LUZP1: variants seen among roughly 807,000 people sequenced by gnomAD.
LUZP1 encodes filamin mechanobinding actin cross-linking protein.
Under a neutral mutation model 71.3 loss-of-function variants are expected in LUZP1, and 25 were observed. That is an observed-to-expected ratio of 0.35 (90% CI 0.26 to 0.49). LUZP1 has a LOEUF of 0.49. Among genes scored for constraint, LUZP1 ranks in the 20% least tolerant of loss-of-function variants. LUZP1 has a pLI of 0.99. For synonymous variants in LUZP1, 481 were observed against 506.4 expected (o/e 0.95, Z 0.67); for missense variants, 1,142 against 1,300.8 (o/e 0.88, Z 1.88).
chr1:23,092,518 T>G (rs769305746), exon 4 of LUZP1: 1 of 1,614,206 alleles, frequency 6.2e-7, no homozygotes, highest in Non-Finnish European at 8.5e-7. Flanking sequence ...GCAGCCTTTT[T>G]GCCTTTAGAG....
chr1:23,114,020 G>T lies in LUZP1; in HGVS notation c.-225-4893C>A, dbSNP rs1010596540. ...CTGAATTTTTTTAATTCACTGAATGGGCTTAAGGACAAAATGGAGATGACA... is the reference window on the plus strand; with the variant it reads ...CTGAATTTTTTTAATTCACTGAATGTGCTTAAGGACAAAATGGAGATGACA... On this transcript the variant is annotated intron_variant, in intron 2 of 4. Transcript: ENST00000302291. 7.9e-5 allele frequency among the ~76,000 whole-genome samples: 12 copies of T among 152,214 alleles called. 1 individual carries two copies. The highest frequency in any genetic ancestry group is 6.8e-3 in the Middle Eastern group (2 of 294).
At chr1:23,092,233 T>C (rs533231478) in exon 4 of LUZP1, 35 of 1,614,172 alleles carry the variant, frequency 2.2e-5, no homozygotes, top group Non-Finnish European at 2.9e-5. Context: ...GGAGTGATGG[T>C]TGTATTTACC....
chr1:23,174,394 A>G (rs994029572), intron 1 of LUZP1, among the ~76,000 whole-genome samples: 2 of 152,126 alleles, frequency 1.3e-5, no homozygotes, highest in Non-Finnish European at 2.9e-5. Context: ...ACATTGGTGG[A>G]GGCAATTTTC....
intron 2 of LUZP1, among the ~76,000 whole-genome samples, chr1:23,125,892 G>A (rs1296777592): frequency 6.6e-6 from 1 of 152,110 alleles, no homozygotes; most frequent in African/African-American, 2.4e-5. Flanking sequence ...CTATCGACAA[G>A]GTTACAAACA....
chr1:23,161,929 A>C (rs765500671), intron 2 of LUZP1, among the ~76,000 whole-genome samples: 4 of 144,378 alleles, frequency 2.8e-5, no homozygotes, highest in Non-Finnish European at 3.0e-5. Flanking sequence ...TGGGAGGCTG[A>C]GGCGGAGAAC....
chr1:23,150,749 C>A (rs1644377247), intron 2 of LUZP1, among the ~76,000 whole-genome samples: 1 of 152,110 alleles, frequency 6.6e-6, no homozygotes, highest in African/African-American at 2.4e-5. Context: ...CTGCTGGATA[C>A]CACAGACAAC....
chr1:23,108,695 C>T (rs537075848), intron 3 of LUZP1, among the ~76,000 whole-genome samples: 1 of 152,286 alleles, frequency 6.6e-6, no homozygotes, highest in South Asian at 2.1e-4. Flanking sequence ...AGCTTGTTTC[C>T]TTGTGGTGAT....
chr1:23,094,217 G>C lies in LUZP1; in HGVS notation c.45C>G (p.His15Gln). 1 of 1,612,732 alleles carries C rather than the reference G, an allele frequency of 6.2e-7. No homozygotes were observed. Among genetic ancestry groups the C allele is most frequent in the Non-Finnish European group, 8.5e-7 (1 of 1,179,644 alleles). ...TTAGACTCTGTAGCTTAAACCGCAA[G>C]TGGCGGCTGGAGGCCGTCTCCTTGT... Residue 15 changes from histidine to glutamine, a missense_variant, in exon 4 of 5, where the codon CAC (histidine) becomes CAG (glutamine). Transcript: ENST00000302291. This position sits in a 1 kb window ranked among gnomAD's most constrained non-coding sequence, Gnocchi z 4.7.
intron 2 of LUZP1, among the ~76,000 whole-genome samples, chr1:23,167,025 G>T (rs1644515266): frequency 6.6e-6 from 1 of 152,110 alleles, no homozygotes; most frequent in Admixed American, 6.6e-5. Context: ...AATTCTTCTA[G>T]GAGTAAATTG....
chr1:23,096,459 G>A (rs898645606), intron 3 of LUZP1, among the ~76,000 whole-genome samples: 1 of 152,132 alleles, frequency 6.6e-6, no homozygotes, highest in Non-Finnish European at 1.5e-5. Flanking sequence ...ATTTTCAAGA[G>A]TTGATTAAAG....
rs557530515 is a variant in LUZP1 at position 23,096,369 on chromosome 1, A to G, written c.-119-1989T>C. 7.2e-5 allele frequency among the ~76,000 whole-genome samples: 11 copies of G among 152,316 alleles called. No individual in the cohort carries two copies. The South Asian group carries it at 2.1e-3, about 29-fold the overall frequency. On this transcript the variant is annotated intron_variant, in intron 3 of 4. Transcript: ENST00000302291. Reference sequence around the variant, plus strand: ...GGAAATAATTAAAAAGGTCCAAAACAAGGAAGTTTTAACAGGCAGCCCAAA... The same window carrying G: ...GGAAATAATTAAAAAGGTCCAAAACGAGGAAGTTTTAACAGGCAGCCCAAA...
At chr1:23,118,074 A>C (rs779304903) in intron 2 of LUZP1, among the ~76,000 whole-genome samples, 15 of 152,024 alleles carry the variant, frequency 9.9e-5, no homozygotes, top group Non-Finnish European at 1.5e-4. Flanking sequence ...TGGGCGACAG[A>C]GCGAGACTCC....
rs1401882473 is a variant in LUZP1, at chr1:23,138,697, G to GTGTA, written c.-225-29571_-225-29570insTACA. Among the ~76,000 whole-genome samples the GTGTA allele has an allele frequency of 8.6e-4, 117 of 135,958 alleles. 1 individual carries two copies. In the East Asian group the frequency reaches 0.015, roughly 18 times the overall value. The allele number at this position is 135,958 out of a possible 152,430, so 89.2% of individuals were successfully genotyped here. A position where few individuals can be genotyped will look rare whatever the true frequency, so the allele number is the denominator to read the frequency against. On this transcript the variant is annotated intron_variant, in intron 2 of 4. Coordinates refer to ENST00000302291, the Ensembl canonical transcript of LUZP1. ...TGTGTGTGTGTGTGTGTGTGTGTGT[G>GTGTA]TATATATATATATATATAAATGAGG...
In LUZP1 at chr1:23,152,015, A is replaced by G. The variant is rs189846872; in HGVS notation, c.-226+16751T>C. Among the ~76,000 whole-genome samples the G allele has an allele frequency of 2.5e-3, 385 of 151,990 alleles. 1 individual carries two copies. The highest frequency in any genetic ancestry group is 9.1e-3 in the African/African-American group (376 of 41,524). ...AGACTCAGTCTCCAAAAAAAAAAAA[A>G]AAGAAAAGAAATGGTAGATAATATA... On this transcript the variant is annotated intron_variant, in intron 2 of 4. Coordinates refer to ENST00000302291, the Ensembl canonical transcript of LUZP1.
chr1:23,147,433 C>T (rs1644352396), intron 2 of LUZP1, among the ~76,000 whole-genome samples: 1 of 144,826 alleles, frequency 6.9e-6, no homozygotes, highest in African/African-American at 2.6e-5. Context: ...CAGAGCAAGA[C>T]TCTATCTCAA....
chr1:23,087,896 A>G (rs1181587632), exon 5 of LUZP1: 2 of 152,640 alleles, frequency 1.3e-5, no homozygotes, highest in East Asian at 3.9e-4. Context: ...TGCCTCCTCC[A>G]TGGGGGATGG....
At chr1:23,084,699 A>C in exon 5 of LUZP1, 1 of 147,830 alleles carries the variant, frequency 6.8e-6, no homozygotes, top group East Asian at 2.0e-4. Flanking sequence ...TATATTGGTG[A>C]TCTGACTGGA....
chr1:23,174,054 T>C (rs952272875), intron 1 of LUZP1, among the ~76,000 whole-genome samples: 1 of 152,026 alleles, frequency 6.6e-6, no homozygotes, highest in African/African-American at 2.4e-5. Flanking sequence ...GGAGTATATA[T>C]ATATATAATT....
In LUZP1 at chr1:23,111,932, C is replaced by A. The variant is rs543874004; in HGVS notation, c.-225-2805G>T. 9.9e-5 allele frequency among the ~76,000 whole-genome samples: 15 copies of A among 152,284 alleles called. No individual in the cohort carries two copies. In the South Asian group the frequency reaches 3.1e-3, roughly 32 times the overall value. On this transcript the variant is annotated intron_variant, in intron 2 of 4. Coordinates refer to ENST00000302291, the Ensembl canonical transcript of LUZP1. ...TCCCCTAAGGTCTCTGCAGCCCTAA[C>A]AGTGATAGCAGCGCCCCTGCTAAAA...
Sources: allele counts gnomAD v4.1 joint callset (sites outside exome capture counted in the v4.1 genomes callset), GRCh38; gene constraint gnomAD v4.1.1; non-coding constraint Gnocchi (gnomAD v3.1); transcripts MANE v1.5; gene names NCBI Gene and HGNC (gene_info 2026-07-23, HGNC 2026-07-21).